ALK: variants seen among roughly 807,000 people sequenced by gnomAD.
ALK encodes the protein ALK receptor tyrosine kinase.
Under a neutral mutation model 163.1 loss-of-function variants are expected in ALK, and 74 were observed. The ratio of observed to expected loss-of-function variants is 0.45; its 90% CI spans 0.38 to 0.55. ALK has a LOEUF of 0.55. Ranked by LOEUF, ALK falls within the 20% of genes least tolerant of loss-of-function variation. The probability of loss-of-function intolerance (pLI) is 0.00; values close to 1 mark genes in which losing one functional copy is unlikely to be tolerated. For synonymous variants in ALK, 960 were observed against 843.2 expected, an observed-to-expected ratio of 1.14 and a Z score of -2.40; for missense variants, 2,063 against 2,105.3, an observed-to-expected ratio of 0.98 and a Z score of 0.39.
At chr2:29,582,989 A>G (rs1044854140) in intron 3 of ALK, among the ~76,000 whole-genome samples, 2 of 151,078 alleles carry the variant, frequency 1.3e-5, no homozygotes, top group Non-Finnish European at 1.5e-5. Flanking sequence ...CAGCCTCCCA[A>G]GTAGCTGGGA....
intron 23 of ALK, among the ~76,000 whole-genome samples, chr2:29,214,950 G>T (rs1397468914): frequency 2.0e-5 from 3 of 152,162 alleles, no homozygotes; most frequent in African/African-American, 7.2e-5. Flanking sequence ...CACACTGGGG[G>T]TTCAGTGAGT....
At chr2:29,249,061 C>T (rs968233272) in intron 12 of ALK, among the ~76,000 whole-genome samples, 2 of 152,210 alleles carry the variant, frequency 1.3e-5, no homozygotes, top group African/African-American at 4.8e-5. Context: ...ACCTTTACAG[C>T]CCCTGCCACT....
intron 3 of ALK, among the ~76,000 whole-genome samples, chr2:29,687,618 C>A (rs952883345): frequency 6.6e-6 from 1 of 151,790 alleles, no homozygotes; most frequent in African/African-American, 2.4e-5. Flanking sequence ...GCAAAAGCAA[C>A]AGAAGGAAAT....
intron 5 of ALK, among the ~76,000 whole-genome samples, chr2:29,369,724 C>T (rs1000370952): frequency 2.0e-5 from 3 of 151,976 alleles, no homozygotes; most frequent in African/African-American, 7.2e-5. Flanking sequence ...TGTGGAGAGG[C>T]ACACAGAAGA....
chr2:29,748,968 C>T (rs969464211), intron 1 of ALK, among the ~76,000 whole-genome samples: 1 of 152,106 alleles, frequency 6.6e-6, no homozygotes, highest in African/African-American at 2.4e-5. Context: ...TGGTCTTGAA[C>T]CCCTGACCTC....
chr2:29,202,736 G>A (rs1669214020), intron 26 of ALK, among the ~76,000 whole-genome samples: 1 of 152,080 alleles, frequency 6.6e-6, no homozygotes, highest in Admixed American at 6.6e-5. Context: ...TTTATACTGC[G>A]GAATAGTTTT....
chr2:29,254,874 G>A (rs139379201), intron 11 of ALK, among the ~76,000 whole-genome samples: 21 of 152,240 alleles, frequency 1.4e-4, no homozygotes, highest in African/African-American at 4.8e-4. Context: ...TCAATAAAAG[G>A]GACCTGTACT....
At position 29,915,659 on chromosome 2, in the gene ALK, A is replaced by C. The variant is rs941523153; in HGVS notation, c.667+4334T>G. ...AACTTCATCTTTCAAATGGCAATAT[A>C]GATTCTCAACATTTAAAGGGATTTT... On this transcript the variant is annotated intron_variant, in intron 1 of 28. Coordinates refer to ENST00000389048, the MANE Select transcript of ALK (RefSeq NM_004304.5). 3.3e-5 allele frequency among the ~76,000 whole-genome samples: 5 copies of C among 152,362 alleles called. No homozygotes were observed. The South Asian group carries it at 1.0e-3, about 32-fold the overall frequency.
chr2:29,673,215 C>T lies in ALK; in HGVS notation c.952+21635G>A, dbSNP rs879364967. Among the ~76,000 whole-genome samples, 221 of 138,010 alleles carry T rather than the reference C, an allele frequency of 1.6e-3. 3 individuals are homozygous for T. The highest frequency in any genetic ancestry group is 6.2e-3 in the African/African-American group (208 of 33,730). The allele number at this position is 138,010 out of a possible 152,430, so 90.5% of individuals were successfully genotyped here. ...CATTTGTCAATTTTGTCTTTTGTTGCCATTGCTTTTGGTGTTTTAGACATG... is the reference window on the plus strand; with the variant it reads ...CATTTGTCAATTTTGTCTTTTGTTGTCATTGCTTTTGGTGTTTTAGACATG... On this transcript the variant is annotated intron_variant, in intron 3 of 28. Transcript: ENST00000389048.
intron 5 of ALK, among the ~76,000 whole-genome samples, chr2:29,378,021 T>A (rs1292579932): frequency 1.3e-5 from 2 of 152,214 alleles, no homozygotes; most frequent in African/African-American, 4.8e-5. Context: ...AGATGTGTTT[T>A]TGTAGGTTCC....
intron 3 of ALK, among the ~76,000 whole-genome samples, chr2:29,691,779 C>T (rs1678404770): frequency 6.6e-6 from 1 of 152,112 alleles, no homozygotes; most frequent in Non-Finnish European, 1.5e-5. Context: ...AAACAGGTCA[C>T]CAAGTGAAAT....
At chr2:29,778,539 G>A (rs1411099003) in intron 1 of ALK, among the ~76,000 whole-genome samples, 1 of 152,162 alleles carries the variant, frequency 6.6e-6, no homozygotes, top group East Asian at 1.9e-4. Flanking sequence ...GTATGTGTGT[G>A]TACATACATA....
intron 1 of ALK, among the ~76,000 whole-genome samples, chr2:29,857,473 C>A (rs1019805159): frequency 6.6e-6 from 1 of 152,136 alleles, no homozygotes; most frequent in Non-Finnish European, 1.5e-5. Flanking sequence ...GTGTAGTCAC[C>A]CTTGGCTAAG....
At chr2:29,889,829 C>G (rs1340593407) in intron 1 of ALK, among the ~76,000 whole-genome samples, 2 of 150,448 alleles carry the variant, frequency 1.3e-5, no homozygotes, top group Non-Finnish European at 2.9e-5. Flanking sequence ...TACTGCTAGT[C>G]CTGGATGACT....
intron 4 of ALK, among the ~76,000 whole-genome samples, chr2:29,468,770 C>T (rs1671274489): frequency 7.3e-6 from 1 of 137,078 alleles, no homozygotes; most frequent in Admixed American, 8.0e-5. Flanking sequence ...GGGAGGCTGG[C>T]TTGAGCCTGG....
intron 3 of ALK, among the ~76,000 whole-genome samples, chr2:29,640,214 G>A (rs185525166): frequency 1.4e-3 from 219 of 152,208 alleles, no homozygotes; most frequent in African/African-American, 3.3e-3. Flanking sequence ...ACTATGTGCC[G>A]GGTGATACAG....
chr2:29,648,339 G>T (rs913738092), intron 3 of ALK, among the ~76,000 whole-genome samples: 1 of 152,014 alleles, frequency 6.6e-6, no homozygotes, highest in African/African-American at 2.4e-5. Flanking sequence ...AAATTGTGGT[G>T]AAATATACAT....
At chr2:29,222,885 G>C (rs550707229) in intron 20 of ALK, among the ~76,000 whole-genome samples, 1 of 152,180 alleles carries the variant, frequency 6.6e-6, no homozygotes, top group African/African-American at 2.4e-5. Context: ...TCTGATATTT[G>C]CCAGGGACAC....
intron 24 of ALK, among the ~76,000 whole-genome samples, chr2:29,211,464 T>C (rs991043581): frequency 6.6e-6 from 1 of 152,172 alleles, no homozygotes; most frequent in Admixed American, 6.5e-5. Flanking sequence ...ATGCAGTACA[T>C]AGAATACATC....
Sources: allele counts gnomAD v4.1 joint callset (sites outside exome capture counted in the v4.1 genomes callset), GRCh38; gene constraint gnomAD v4.1.1; transcripts MANE v1.5; gene names NCBI Gene and HGNC (gene_info 2026-07-23, HGNC 2026-07-21).